The following NIBAN2 variants were observed in gnomAD, a reference collection of about 807,000 sequenced individuals.
NIBAN2 encodes the protein niban apoptosis regulator 2.
A neutral mutation model predicts 81.8 loss-of-function variants in NIBAN2; 36 were observed. The ratio of observed to expected loss-of-function variants is 0.44; its 90% CI spans 0.34 to 0.58. The LOEUF (loss-of-function observed/expected upper bound fraction) is 0.58. Ranked by LOEUF, NIBAN2 falls within the 20% of genes least tolerant of loss-of-function variation. The pLI is 0.02. For missense variants in NIBAN2, 897 were observed against 1,014.1 expected, an observed-to-expected ratio of 0.88 and a Z score of 1.57; for synonymous variants, 445 against 441.6, an observed-to-expected ratio of 1.01 and a Z score of -0.10.
Position 127,527,311 on chromosome 9 carries a change from G to C in NIBAN2, c.198C>G (p.Asp66Glu). 1 of 1,613,314 alleles carries C rather than the reference G, an allele frequency of 6.2e-7. No homozygotes were observed. The highest frequency in any genetic ancestry group is 8.5e-7 in the Non-Finnish European group (1 of 1,179,852). ...GGTTCCCCGAGAAGACGATGCGCTC[G>C]TCCAGTGGCACCTGTGGGCAGGAGC... ...AQLLWRKVPLDERIVFSGNLF... is the reference protein window; with the variant it reads ...AQLLWRKVPLEERIVFSGNLF... The change falls in exon 3 of 14, where the codon GAC (aspartate) becomes GAG (glutamate). Residue 66 changes from aspartate (D) to glutamate (E), a missense_variant. Coordinates refer to ENST00000373312, the MANE Select transcript of NIBAN2 (RefSeq NM_022833.4).
At chr9:127,511,912 T>A (rs1471282800) in intron 8 of NIBAN2, among the ~76,000 whole-genome samples, 1 of 152,140 alleles carries the variant, frequency 6.6e-6, no homozygotes, top group Non-Finnish European at 1.5e-5. Flanking sequence ...TCACCCCAGT[T>A]AAAATGGCTT....
intron 8 of NIBAN2, among the ~76,000 whole-genome samples, chr9:127,513,263 T>TA (rs1162644036): frequency 6.6e-6 from 1 of 151,868 alleles, no homozygotes; most frequent in Non-Finnish European, 1.5e-5. Flanking sequence ...CCCATGGAGA[T>TA]AGAGTAGAAA....
intron 1 of NIBAN2, among the ~76,000 whole-genome samples, chr9:127,577,577 T>C (rs1465336211): frequency 6.9e-6 from 1 of 145,236 alleles, no homozygotes; most frequent in African/African-American, 2.6e-5. Flanking sequence ...CACACCATCC[T>C]CCAGATCCAA....
In NIBAN2 at chr9:127,509,021, G is replaced by A. The variant is rs1157595769; in HGVS notation, c.1272C>T (p.Ser424=). 1 of 1,613,946 alleles carries A rather than the reference G, an allele frequency of 6.2e-7. No homozygotes were observed. The highest frequency in any genetic ancestry group is 8.5e-7 in the Non-Finnish European group (1 of 1,179,978). ...LDGLQQRFDV[S]STSVFKQRAQ... ...CTCGCTGCTTGAACACGGACGTGCTGGACACATCAAATCGCTGCTGCAGCC... is the reference window on the plus strand; with the variant it reads ...CTCGCTGCTTGAACACGGACGTGCTAGACACATCAAATCGCTGCTGCAGCC... Residue 424 remains serine, a synonymous_variant, in exon 10 of 14, where the codon TCC becomes TCT. Transcript: ENST00000373312.
intron 5 of NIBAN2, 56 bp downstream of exon 5, chr9:127,523,623 A>C: frequency 6.4e-7 from 1 of 1,563,338 alleles, no homozygotes; most frequent in Non-Finnish European, 8.7e-7. Context: ...ACCATTCAGC[A>C]ATAACCCAGG....
chr9:127,567,271 GA>G (rs1397282455), intron 1 of NIBAN2, among the ~76,000 whole-genome samples: 1 of 152,190 alleles, frequency 6.6e-6, no homozygotes, highest in East Asian at 1.9e-4. Flanking sequence ...AGGAGGTCCT[GA>G]ATGGAGGGAC....
intron 8 of NIBAN2, among the ~76,000 whole-genome samples, chr9:127,513,080 G>A (rs1198212637): frequency 1.3e-5 from 2 of 152,210 alleles, no homozygotes; most frequent in African/African-American, 4.8e-5. Context: ...CATGGTTGGA[G>A]CTGGAGGTCA....
upstream of NIBAN2, among the ~76,000 whole-genome samples, chr9:127,571,830 C>G (rs1837949200): frequency 6.7e-6 from 1 of 150,118 alleles, no homozygotes; most frequent in African/African-American, 2.4e-5. Context: ...CATTTCACAC[C>G]AAAAAAAAAC....
At chr9:127,570,156 T>TTGTTA (rs1410662420), upstream of NIBAN2, among the ~76,000 whole-genome samples, 1 of 152,176 alleles carries the variant, frequency 6.6e-6, no homozygotes, top group African/African-American at 2.4e-5. Context: ...GCATTTCACG[T>TTGTTA]TGTTATTGGG....
At position 127,540,869 on chromosome 9, in the gene NIBAN2, C is replaced by G. The variant is rs545233086; in HGVS notation, c.56-9091G>C. The stretch of plus-strand genomic sequence containing the variant: ...TCCAGTGGGCTCCAGGGACACACCT[C>G]ACCCACGAGGCCCAGCCCGGTTTCA... On this transcript the variant is annotated intron_variant, in intron 1 of 13. Transcript: ENST00000373312. Among the ~76,000 whole-genome samples, 7 of 152,362 alleles carry G rather than the reference C, an allele frequency of 4.6e-5. No homozygotes were observed. In the South Asian group the frequency reaches 1.4e-3, roughly 32 times the overall value.
At chr9:127,528,898 G>A (rs1837127626) in intron 2 of NIBAN2, among the ~76,000 whole-genome samples, 4 of 152,336 alleles carry the variant, frequency 2.6e-5, no homozygotes, top group Admixed American at 2.0e-4. Context: ...CGGGCACTCC[G>A]GGACAGGGCC....
At position 127,516,032 on chromosome 9, in the gene NIBAN2, G is replaced by A. The variant is rs528905055; in HGVS notation, c.973+825C>T. 2.6e-4 allele frequency among the ~76,000 whole-genome samples: 39 copies of A among 152,236 alleles called. 1 individual carries two copies. The highest frequency in any genetic ancestry group is 8.9e-4 in the African/African-American group (37 of 41,540). The stretch of plus-strand genomic sequence containing the variant: ...ACATGCCTGTAGTCCCAGCTACTTG[G>A]GGGGTTGAAGTGGGAGGATGGTAGA... On this transcript the variant is annotated intron_variant, in intron 8 of 13. Transcript: ENST00000373312.
At position 127,536,260 on chromosome 9, in the gene NIBAN2, G is replaced by A. The variant is rs975828751; in HGVS notation, c.56-4482C>T. On this transcript the variant is annotated intron_variant, in intron 1 of 13. Transcript: ENST00000373312. This position sits in a 1 kb window ranked among gnomAD's most constrained non-coding sequence, Gnocchi z 4.0. ...GCCAGAGGGACCCAAAAGGCCAGCA[G>A]CATTGGGAGGGGGCCAGCCTGGACA... 6.6e-6 allele frequency among the ~76,000 whole-genome samples: 1 copy of A among 152,204 alleles called. No individual in the cohort carries two copies. Among genetic ancestry groups the A allele is most frequent in the Non-Finnish European group, 1.5e-5 (1 of 68,022 alleles).
rs948758344 is a variant in NIBAN2, at chr9:127,544,510, A to AT, written c.56-12733dup. ...TTTTATTTTTTTAATTAATTAATTA[A>AT]TTTTTTTTTTGAGATGGAGTCCCCA... On this transcript the variant is annotated intron_variant, in intron 1 of 13. Coordinates refer to ENST00000373312, the MANE Select transcript of NIBAN2 (RefSeq NM_022833.4). Among the ~76,000 whole-genome samples, 134 of 149,478 alleles carry AT rather than the reference A, an allele frequency of 9.0e-4. 1 individual carries two copies. The highest frequency in any genetic ancestry group is 2.7e-3 in the African/African-American group (112 of 40,750).
At chr9:127,528,514 T>A (rs1212777853) in intron 2 of NIBAN2, among the ~76,000 whole-genome samples, 1 of 152,112 alleles carries the variant, frequency 6.6e-6, no homozygotes, top group Non-Finnish European at 1.5e-5. Flanking sequence ...ATCCCTGCAG[T>A]CCCGTCTCTC....
chr9:127,513,038 A>T (rs1836765312), intron 8 of NIBAN2, among the ~76,000 whole-genome samples: 1 of 152,202 alleles, frequency 6.6e-6, no homozygotes, highest in Non-Finnish European at 1.5e-5. Context: ...ATTCAGCCGT[A>T]AAAAAGAACG....
Position 127,566,240 on chromosome 9 carries a change from G to A in NIBAN2, c.55+2580C>T, listed in dbSNP as rs77568604. On this transcript the variant is annotated intron_variant, in intron 1 of 13. Transcript: ENST00000373312. ...AAAATTTGGGATTGTTAGGCCCTCA[G>A]AGCTGAAAGGGACTTCAGCCATCGA... 1.8e-3 allele frequency among the ~76,000 whole-genome samples: 278 copies of A among 152,292 alleles called. 1 individual carries two copies. The highest frequency in any genetic ancestry group is 5.9e-3 in the African/African-American group (244 of 41,568).
intron 1 of NIBAN2, among the ~76,000 whole-genome samples, chr9:127,564,167 C>T (rs1837819100): frequency 6.6e-6 from 1 of 151,960 alleles, no homozygotes; most frequent in Admixed American, 6.6e-5. Flanking sequence ...GTGGTGGGCA[C>T]CTGTAGTCCC....
Position 127,536,070 on chromosome 9 carries a change from G to A in NIBAN2, c.56-4292C>T, listed in dbSNP as rs115629254. ...GGGAGAGCTAGAAAGGGAGGACCATGGGAAACAGGGCCACGGATGGCTCCT... is the reference window on the plus strand; with the variant it reads ...GGGAGAGCTAGAAAGGGAGGACCATAGGAAACAGGGCCACGGATGGCTCCT... On this transcript the variant is annotated intron_variant, in intron 1 of 13. Coordinates refer to ENST00000373312, the MANE Select transcript of NIBAN2 (RefSeq NM_022833.4). The surrounding 1 kb of genome is among the most constrained non-coding windows in gnomAD (Gnocchi z 4.0). 3.2e-4 allele frequency among the ~76,000 whole-genome samples: 48 copies of A among 152,284 alleles called. 1 individual carries two copies. Among genetic ancestry groups the A allele is most frequent in the African/African-American group, 1.1e-3 (47 of 41,562 alleles).
Sources: allele counts gnomAD v4.1 joint callset (sites outside exome capture counted in the v4.1 genomes callset), GRCh38; gene constraint gnomAD v4.1.1; non-coding constraint Gnocchi (gnomAD v3.1); transcripts MANE v1.5; gene names NCBI Gene and HGNC (gene_info 2026-07-23, HGNC 2026-07-21).